The following KDM4C variants were observed in gnomAD, a reference collection of about 807,000 sequenced individuals.
KDM4C encodes the protein lysine demethylase 4C, also known as lysine-specific demethylase 4C.
Under a neutral mutation model 129.3 loss-of-function variants are expected in KDM4C, and 81 were observed. That is an observed-to-expected ratio of 0.63 (90% CI 0.52 to 0.75). KDM4C has a LOEUF of 0.75. Ranked by LOEUF, KDM4C falls within the 30% of genes least tolerant of loss-of-function variation. The pLI is 0.00. For missense variants in KDM4C, 1,457 were observed against 1,304.0 expected (o/e 1.12, Z -1.81); for synonymous variants, 573 against 456.1 (o/e 1.26, Z -3.26).
At chr9:6,910,112 T>C (rs1819017031) in intron 8 of KDM4C, among the ~76,000 whole-genome samples, 1 of 152,160 alleles carries the variant, frequency 6.6e-6, no homozygotes, top group Non-Finnish European at 1.5e-5. Flanking sequence ...AATAAAACCA[T>C]GTTTTAAGGA....
intron 4 of KDM4C, chr9:6,834,717 A>G: frequency 1.1e-6 from 1 of 908,984 alleles, no homozygotes; most frequent in East Asian, 2.4e-5. Context: ...ATCTGGCACC[A>G]CACCTTCTAA....
At chr9:6,825,992 T>G (rs1246726918) in intron 4 of KDM4C, among the ~76,000 whole-genome samples, 1 of 152,070 alleles carries the variant, frequency 6.6e-6, no homozygotes, top group Non-Finnish European at 1.5e-5. Context: ...TTGTAGTTTT[T>G]GTAGAGACGG....
intron 4 of KDM4C, among the ~76,000 whole-genome samples, chr9:6,817,713 G>A (rs145400382): frequency 3.3e-5 from 5 of 151,324 alleles, no homozygotes; most frequent in East Asian, 1.9e-4. Context: ...ACAGAAAAAC[G>A]TGAAGAAGAG....
At chr9:6,899,570 T>TGTGTGTGTGTG (rs1589001680) in intron 8 of KDM4C, among the ~76,000 whole-genome samples, 1 of 151,772 alleles carries the variant, frequency 6.6e-6, no homozygotes, top group Non-Finnish European at 1.5e-5. Flanking sequence ...TGTGTGTGTG[T>TGTGTGTGTGTG]TTAACTTGCT....
intron 8 of KDM4C, among the ~76,000 whole-genome samples, chr9:6,963,224 G>C (rs1008853610): frequency 6.6e-6 from 1 of 152,164 alleles, no homozygotes; most frequent in African/African-American, 2.4e-5. Context: ...TTAGCAAGTA[G>C]TTTTTAGTAA....
At chr9:7,060,824 CGTG>C (rs1202144765) in intron 17 of KDM4C, among the ~76,000 whole-genome samples, 1 of 152,006 alleles carries the variant, frequency 6.6e-6, no homozygotes, top group Non-Finnish European at 1.5e-5. Context: ...GTAGCAGTTG[CGTG>C]GGCATGCATA....
intron 8 of KDM4C, among the ~76,000 whole-genome samples, chr9:6,934,306 C>A (rs1310481035): frequency 1.3e-5 from 2 of 151,290 alleles, no homozygotes; most frequent in African/African-American, 4.8e-5. Context: ...ATGGTGAAAA[C>A]CTGTCTCCAC....
chr9:7,161,665 C>T (rs1436964196), intron 19 of KDM4C, among the ~76,000 whole-genome samples: 1 of 152,204 alleles, frequency 6.6e-6, no homozygotes, highest in African/African-American at 2.4e-5. Context: ...CTGTCTGTCC[C>T]TGGCTTGGGC....
At chr9:6,871,834 C>G (rs751169697) in intron 5 of KDM4C, among the ~76,000 whole-genome samples, 2 of 152,040 alleles carry the variant, frequency 1.3e-5, no homozygotes, top group South Asian at 4.2e-4. Context: ...CTTTTTCTAC[C>G]TCATAGAACT....
chr9:6,838,460 A>G (rs1364829249), intron 4 of KDM4C, among the ~76,000 whole-genome samples: 1 of 152,192 alleles, frequency 6.6e-6, no homozygotes, highest in Non-Finnish European at 1.5e-5. Context: ...AGGAAACTCC[A>G]TTAACTTCAC....
intron 1 of KDM4C, among the ~76,000 whole-genome samples, chr9:6,730,632 A>G (rs1817293641): frequency 6.6e-6 from 1 of 150,700 alleles, no homozygotes; most frequent in Non-Finnish European, 1.5e-5. Flanking sequence ...AAAAAAAGTA[A>G]TAATAATAAT....
At chr9:6,861,928 T>C (rs1446437947) in intron 5 of KDM4C, among the ~76,000 whole-genome samples, 8 of 152,064 alleles carry the variant, frequency 5.3e-5, no homozygotes, top group East Asian at 3.9e-4. Flanking sequence ...TGTGCCACCA[T>C]GCCTGGCTAA....
At chr9:6,892,926 A>G (rs752756357) in intron 7 of KDM4C, among the ~76,000 whole-genome samples, 169 bp from the exon 8 acceptor site, 8 of 152,230 alleles carry the variant, frequency 5.3e-5, no homozygotes, top group Non-Finnish European at 8.8e-5. Flanking sequence ...ACGTTTCCTG[A>G]AAAAGCACTA....
At chr9:7,108,667 G>C (rs1837976164) in intron 18 of KDM4C, among the ~76,000 whole-genome samples, 1 of 152,266 alleles carries the variant, frequency 6.6e-6, no homozygotes, top group Middle Eastern at 3.4e-3. Context: ...TCTGGTGAAG[G>C]GCTCAAAGCA....
chr9:6,951,557 G>T (rs1447920064), intron 8 of KDM4C, among the ~76,000 whole-genome samples: 1 of 152,178 alleles, frequency 6.6e-6, no homozygotes, highest in African/African-American at 2.4e-5. Flanking sequence ...TGTATTTATG[G>T]TGGGGGCTAT....
At chr9:6,901,268 C>G (rs999395472) in intron 8 of KDM4C, among the ~76,000 whole-genome samples, 1 of 152,194 alleles carries the variant, frequency 6.6e-6, no homozygotes, top group Non-Finnish European at 1.5e-5. Context: ...GTCAGATGCC[C>G]TGGCTTCCCA....
In KDM4C at chr9:6,758,628, C is replaced by T. The variant is rs1188171899; in HGVS notation, c.-18+425C>T. Among the ~76,000 whole-genome samples, 1 of 152,106 alleles carries T rather than the reference C, an allele frequency of 6.6e-6. No individual in the cohort carries two copies. The highest frequency in any genetic ancestry group is 1.5e-5 in the Non-Finnish European group (1 of 67,996). On this transcript the variant is annotated intron_variant, in intron 1 of 21. Transcript: ENST00000381309. This position sits in a 1 kb window ranked among gnomAD's most constrained non-coding sequence, Gnocchi z 4.6. Reference sequence around the variant, plus strand: ...CTCCCTTCCCTGGGAGTGTCACGACCCGCGGGGTGAGGGTGGGAGCTCCTC... The same window carrying T: ...CTCCCTTCCCTGGGAGTGTCACGACTCGCGGGGTGAGGGTGGGAGCTCCTC...
chr9:7,019,821 C>T (rs1347451140), intron 15 of KDM4C, among the ~76,000 whole-genome samples: 1 of 133,142 alleles, frequency 7.5e-6, no homozygotes, highest in Non-Finnish European at 1.6e-5. Flanking sequence ...TTATTTCACC[C>T]ATTCCCAGAC....
intron 19 of KDM4C, among the ~76,000 whole-genome samples, chr9:7,150,725 C>G (rs1237392899): frequency 6.7e-6 from 1 of 149,724 alleles, no homozygotes; most frequent in Non-Finnish European, 1.5e-5. Context: ...CAGTGTCAAC[C>G]CTGTTTCTAG....
Sources: allele counts gnomAD v4.1 joint callset (sites outside exome capture counted in the v4.1 genomes callset), GRCh38; gene constraint gnomAD v4.1.1; non-coding constraint Gnocchi (gnomAD v3.1); transcripts MANE v1.5; gene names NCBI Gene and HGNC (gene_info 2026-07-23, HGNC 2026-07-21).